The following FHIT variants were observed in gnomAD, a reference collection of about 807,000 sequenced individuals.
FHIT encodes the protein fragile histidine triad diadenosine triphosphatase.
Under a neutral mutation model 17.9 loss-of-function variants are expected in FHIT, and 19 were observed. The ratio of observed to expected loss-of-function variants is 1.06; its 90% CI spans 0.74 to 1.56. The LOEUF (loss-of-function observed/expected upper bound fraction) is 1.56, where lower values mean the gene tolerates loss of function less well. Among genes scored for constraint, FHIT ranks in the 40% most tolerant of loss-of-function variants. FHIT has a pLI of 0.00. For synonymous variants in FHIT, 81 were observed against 69.7 expected, an observed-to-expected ratio of 1.16 and a Z score of -0.81; for missense variants, 248 against 189.2, an observed-to-expected ratio of 1.31 and a Z score of -1.82.
At chr3:59,810,006 T>C (rs539298474) in intron 8 of FHIT, among the ~76,000 whole-genome samples, 2 of 152,228 alleles carry the variant, frequency 1.3e-5, no homozygotes, top group South Asian at 4.2e-4. Flanking sequence ...GATTGGAACC[T>C]AACCAAAGAA....
chr3:60,819,731 C>G (rs80064939), intron 4 of FHIT, among the ~76,000 whole-genome samples: 1 of 152,108 alleles, frequency 6.6e-6, no homozygotes, highest in African/African-American at 2.4e-5. Context: ...CTTCATTTTA[C>G]GGAGGAAGTA....
chr3:60,562,797 G>C (rs998404451), intron 4 of FHIT, among the ~76,000 whole-genome samples: 1 of 152,132 alleles, frequency 6.6e-6, no homozygotes, highest in Non-Finnish European at 1.5e-5. Flanking sequence ...AAGACCTAAA[G>C]TCATGTCCAC....
At chr3:60,236,366 CAAAT>C (rs1292387506) in intron 5 of FHIT, among the ~76,000 whole-genome samples, 2 of 151,140 alleles carry the variant, frequency 1.3e-5, no homozygotes, top group African/African-American at 4.9e-5. Context: ...ATGAAAGAAT[CAAAT>C]AAATAAAGGA....
chr3:60,216,015 C>A (rs1270907896), intron 5 of FHIT, among the ~76,000 whole-genome samples: 1 of 152,100 alleles, frequency 6.6e-6, no homozygotes, highest in Non-Finnish European at 1.5e-5. Context: ...GAACACACCC[C>A]ATATCAAGCA....
chr3:60,128,390 A>G (rs1705654144), intron 5 of FHIT, among the ~76,000 whole-genome samples: 1 of 152,196 alleles, frequency 6.6e-6, no homozygotes, highest in Non-Finnish European at 1.5e-5. Context: ...CATCACGTGA[A>G]GAAGGACATG....
intron 7 of FHIT, among the ~76,000 whole-genome samples, chr3:59,931,225 A>C (rs996890927): frequency 3.9e-5 from 6 of 152,212 alleles, no homozygotes; most frequent in Non-Finnish European, 8.8e-5. Context: ...CAGAAGGCTT[A>C]ATTCTACGGT....
chr3:60,568,524 G>T (rs1005310988), intron 4 of FHIT, among the ~76,000 whole-genome samples: 1 of 151,884 alleles, frequency 6.6e-6, no homozygotes, highest in Non-Finnish European at 1.5e-5. Context: ...GAGTTGATGG[G>T]TGCAGCACAC....
intron 5 of FHIT, among the ~76,000 whole-genome samples, chr3:60,336,848 A>C (rs1049722953): frequency 1.3e-5 from 2 of 151,944 alleles, no homozygotes; most frequent in African/African-American, 4.8e-5. Context: ...ATGCAGACTA[A>C]GACTATTTAA....
intron 5 of FHIT, among the ~76,000 whole-genome samples, chr3:60,206,427 T>A (rs1215348265): frequency 6.6e-6 from 1 of 152,088 alleles, no homozygotes. Flanking sequence ...ACCTGGCAAA[T>A]CTGGGTAGAT....
At chr3:60,588,584 T>C (rs137935627) in intron 4 of FHIT, among the ~76,000 whole-genome samples, 7 of 152,182 alleles carry the variant, frequency 4.6e-5, no homozygotes, top group Admixed American at 4.6e-4. Flanking sequence ...GACCAACTGA[T>C]TCAGAACCTC....
intron 4 of FHIT, among the ~76,000 whole-genome samples, chr3:60,729,591 A>G (rs1416753516): frequency 6.6e-6 from 1 of 152,184 alleles, no homozygotes; most frequent in Non-Finnish European, 1.5e-5. Flanking sequence ...GATTCATACT[A>G]TTGTTTCTCA....
intron 5 of FHIT, among the ~76,000 whole-genome samples, chr3:60,345,322 G>T (rs1408161750): frequency 6.6e-6 from 1 of 152,174 alleles, no homozygotes; most frequent in African/African-American, 2.4e-5. Context: ...ATTAGAGACA[G>T]CATGAGAACT....
At chr3:60,092,880 T>C (rs1005004100) in intron 5 of FHIT, among the ~76,000 whole-genome samples, 1 of 152,082 alleles carries the variant, frequency 6.6e-6, no homozygotes, top group East Asian at 1.9e-4. Context: ...AAAGAGAAAA[T>C]AGATTGTGCA....
chr3:60,218,686 G>A (rs1703812345), intron 5 of FHIT, among the ~76,000 whole-genome samples: 2 of 152,052 alleles, frequency 1.3e-5, no homozygotes. Context: ...CAGTCATGAT[G>A]ACTGTGATAT....
chr3:60,775,698 C>G (rs895901976), intron 4 of FHIT, among the ~76,000 whole-genome samples: 2 of 152,218 alleles, frequency 1.3e-5, no homozygotes, highest in African/African-American at 4.8e-5. Context: ...CCTCTCCCTT[C>G]TGAGTCTTCT....
chr3:60,331,965 T>C (rs978337028), intron 5 of FHIT, among the ~76,000 whole-genome samples: 2 of 152,122 alleles, frequency 1.3e-5, no homozygotes, highest in African/African-American at 4.8e-5. Flanking sequence ...TTGTCCTGAA[T>C]GCACTTGTCC....
At chr3:60,319,364 G>T (rs1395363127) in intron 5 of FHIT, among the ~76,000 whole-genome samples, 2 of 151,910 alleles carry the variant, frequency 1.3e-5, no homozygotes, top group Admixed American at 1.3e-4. Context: ...AACCTTCAAA[G>T]GATCTGCTGA....
chr3:59,853,355 G>C (rs1702020564), intron 8 of FHIT, among the ~76,000 whole-genome samples: 1 of 152,168 alleles, frequency 6.6e-6, no homozygotes, highest in East Asian at 1.9e-4. Context: ...TTGTAAGCTA[G>C]AGCCAAGATT....
At chr3:60,566,589 G>A (rs2037143038) in intron 4 of FHIT, among the ~76,000 whole-genome samples, 1 of 152,022 alleles carries the variant, frequency 6.6e-6, no homozygotes, top group South Asian at 2.1e-4. Context: ...ATTCAACATA[G>A]TGTTGGAAGC....
Sources: allele counts gnomAD v4.1 joint callset (sites outside exome capture counted in the v4.1 genomes callset), GRCh38; gene constraint gnomAD v4.1.1; transcripts MANE v1.5; gene names NCBI Gene and HGNC (gene_info 2026-07-23, HGNC 2026-07-21).